Variants in STYXL2 observed in about 807,000 individuals in gnomAD.
STYXL2 encodes serine/threonine/tyrosine-interacting-like protein 2.
A neutral mutation model predicts 52.4 loss-of-function variants in STYXL2; 44 were observed. The ratio of observed to expected loss-of-function variants is 0.84; its 90% CI spans 0.66 to 1.08. STYXL2 has a LOEUF of 1.08. STYXL2 is among the 50% of genes least tolerant of loss of function. STYXL2 has a pLI of 0.00. For synonymous variants in STYXL2, 604 were observed against 586.9 expected (o/e 1.03, Z -0.42); for missense variants, 1,604 against 1,471.7 (o/e 1.09, Z -1.47).
intron 5 of STYXL2, among the ~76,000 whole-genome samples, chr1:167,124,876 C>T (rs960852674): frequency 6.6e-5 from 10 of 151,160 alleles, no homozygotes; most frequent in African/African-American, 2.4e-4. Context: ...TGGGGAAGGG[C>T]CCATTCTACT....
intron 2 of STYXL2, among the ~76,000 whole-genome samples, chr1:167,103,659 G>C (rs188753621): frequency 6.6e-6 from 1 of 152,234 alleles, no homozygotes; most frequent in Non-Finnish European, 1.5e-5. Context: ...GAAGAAAATG[G>C]GCGGTTAGAG....
chr1:167,120,546 G>A (rs1445558630), intron 5 of STYXL2, among the ~76,000 whole-genome samples: 1 of 152,080 alleles, frequency 6.6e-6, no homozygotes, highest in African/African-American at 2.4e-5. Context: ...TTCCTGGAAA[G>A]GGCATTGCCT....
intron 2 of STYXL2, among the ~76,000 whole-genome samples, chr1:167,096,051 A>G (rs1027088689): frequency 6.6e-6 from 1 of 152,102 alleles, no homozygotes; most frequent in African/African-American, 2.4e-5. Context: ...TGAGGTCAGG[A>G]GATCAAGCCC....
intron 2 of STYXL2, among the ~76,000 whole-genome samples, chr1:167,097,987 G>A (rs1268483046): frequency 6.7e-6 from 1 of 149,628 alleles, no homozygotes; most frequent in Non-Finnish European, 1.5e-5. Context: ...ATATAGTGAG[G>A]CCCTGTCTCT....
rs544353788 is a variant in STYXL2 at position 167,109,514 on chromosome 1, G to A, written c.111-4196G>A. 7.9e-5 allele frequency among the ~76,000 whole-genome samples: 12 copies of A among 152,130 alleles called. No homozygotes were observed. In the South Asian group the frequency reaches 8.3e-4, roughly 11 times the overall value. On this transcript the variant is annotated intron_variant, in intron 2 of 5. Coordinates refer to ENST00000361200, the MANE Select transcript of STYXL2 (RefSeq NM_001080426.3). ...CCTGAGAACCACACCCTCCATCCCCGACAGCAAGCCCCATCCGAGGAGAGT... is the reference window on the plus strand; with the variant it reads ...CCTGAGAACCACACCCTCCATCCCCAACAGCAAGCCCCATCCGAGGAGAGT...
intron 4 of STYXL2, 92 bp from the exon 5 acceptor site, chr1:167,119,157 C>T (rs1667794163): frequency 1.7e-6 from 2 of 1,200,494 alleles, no homozygotes; most frequent in East Asian, 2.5e-5. Flanking sequence ...CCAGCTGTGG[C>T]CCTAGACTGG....
At chr1:167,115,245 AG>A (rs1667701197) in intron 3 of STYXL2, among the ~76,000 whole-genome samples, 1 of 152,322 alleles carries the variant, frequency 6.6e-6, no homozygotes, top group East Asian at 1.9e-4. Context: ...CTATAGGGAG[AG>A]AAAAAACAAT....
At chr1:167,120,474 A>C (rs1365663444) in intron 5 of STYXL2, among the ~76,000 whole-genome samples, 3 of 152,176 alleles carry the variant, frequency 2.0e-5, no homozygotes, top group Admixed American at 2.0e-4. Flanking sequence ...CCTTGGGACA[A>C]CACCTGGCAC....
chr1:167,111,469 CATAT>C (rs776014246), intron 2 of STYXL2, among the ~76,000 whole-genome samples: 2,369 of 79,226 alleles, frequency 0.03, 25 homozygotes, highest in South Asian at 0.034. Flanking sequence ...AAATATGGTA[CATAT>C]ATATATATAT....
chr1:167,101,590 G>A lies in STYXL2; in HGVS notation c.110+6631G>A, dbSNP rs948199429. ...AGGCTGAAGCAAGTGGATCACCTGA[G>A]GTCAGGAGTTTGAGACCAGCCTGTC... On this transcript the variant is annotated intron_variant, in intron 2 of 5. Coordinates refer to ENST00000361200, the MANE Select transcript of STYXL2 (RefSeq NM_001080426.3). Among the ~76,000 whole-genome samples, 4 of 152,102 alleles carry A rather than the reference G, an allele frequency of 2.6e-5. No homozygotes were observed. The South Asian group carries it at 8.3e-4, about 32-fold the overall frequency.
intron 5 of STYXL2, 134 bp from the exon 6 acceptor site, chr1:167,125,652 GA>G (rs34184501): frequency 0.29 from 391,541 of 1,339,334 alleles, 60,432 homozygotes; most frequent in African/African-American, 0.36. Flanking sequence ...CTTGAGCCCG[GA>G]TGAACTTCAG....
intron 2 of STYXL2, among the ~76,000 whole-genome samples, chr1:167,101,774 C>T (rs770148888): frequency 2.1e-5 from 3 of 145,254 alleles, no homozygotes; most frequent in African/African-American, 5.2e-5. Context: ...GCACTTCAGC[C>T]TAGGCAACAG....
chr1:167,122,514 A>T (rs2102244600), intron 5 of STYXL2, among the ~76,000 whole-genome samples: 1 of 152,078 alleles, frequency 6.6e-6, no homozygotes, highest in Middle Eastern at 3.4e-3. Context: ...GTGGAGGGGG[A>T]TACCTTCTGA....
rs140256913 is a variant in STYXL2 at position 167,126,101 on chromosome 1, C to A, written c.970C>A (p.Leu324Met). The A allele has an allele frequency of 8.4e-4, 1,283 of 1,520,460 alleles. 2 individuals carry two copies. Among genetic ancestry groups the A allele is most frequent in the Non-Finnish European group, 1.0e-3 (1,176 of 1,136,554 alleles). The allele number at this position is 1,520,460 out of a possible 1,614,324, so 94.2% of individuals were successfully genotyped here. Residue 324 changes from leucine (L) to methionine (M), a missense_variant, in exon 6 of 6, where the codon CTG becomes ATG. Physicochemically the swap from Leu to Met is conservative, Grantham distance 15. Transcript: ENST00000361200. ...AGAGGAGGACGACAGCGCCAGCCAC[C>A]TGAGTGGCTCCTCCCTGGGGAAGGC... ...VEEEDDSASHLSGSSLGKATQ... is the reference protein window; with the variant it reads ...VEEEDDSASHMSGSSLGKATQ...
rs1160945793 is a variant in STYXL2 at position 167,126,618 on chromosome 1, AC to A, written c.1488del (p.His496GlnfsTer81). 1 of 1,614,062 alleles carries A rather than the reference AC, an allele frequency of 6.2e-7. No individual in the cohort carries two copies. The highest frequency in any genetic ancestry group is 8.5e-7 in the Non-Finnish European group (1 of 1,180,016). ...GAGAAGGAGGCTTCCCGGAGGTACC[AC>A]GCCAAGAGCAAGAGAGAGGAGGCGG... ...EIEKEASRRY[H>X]AKSKREEAAD... On this transcript the variant is annotated frameshift_variant, in exon 6 of 6. Transcript: ENST00000361200. LOFTEE classifies it low-confidence loss of function (END_TRUNC).
At chr1:167,103,139 G>C (rs1030325609) in intron 2 of STYXL2, among the ~76,000 whole-genome samples, 1 of 152,080 alleles carries the variant, frequency 6.6e-6, no homozygotes, top group Admixed American at 6.6e-5. Flanking sequence ...TCCTTCAAAA[G>C]GCCGTCTGCT....
chr1:167,100,614 C>A (rs1667384665), intron 2 of STYXL2, among the ~76,000 whole-genome samples: 1 of 152,142 alleles, frequency 6.6e-6, no homozygotes, highest in African/African-American at 2.4e-5. Context: ...CAGCCATTCT[C>A]CCTTCCTAGG....
At chr1:167,105,799 C>T (rs1667496291) in intron 2 of STYXL2, among the ~76,000 whole-genome samples, 1 of 152,214 alleles carries the variant, frequency 6.6e-6, no homozygotes. Context: ...CTACATTGTA[C>T]ATTCCACACT....
rs1667479809 is a variant in STYXL2 at position 167,104,923 on chromosome 1, G to A, written c.111-8787G>A. 3.3e-5 allele frequency among the ~76,000 whole-genome samples: 5 copies of A among 152,288 alleles called. No individual in the cohort carries two copies. In the South Asian group the frequency reaches 1.0e-3, roughly 32 times the overall value. On this transcript the variant is annotated intron_variant, in intron 2 of 5. Coordinates refer to ENST00000361200, the MANE Select transcript of STYXL2 (RefSeq NM_001080426.3). ...ACTACATTCCGTGTCTGGACAGCAG[G>A]CAACTAGTTTAAAGCAACGGCTTTC...
Sources: allele counts gnomAD v4.1 joint callset (sites outside exome capture counted in the v4.1 genomes callset), GRCh38; gene constraint gnomAD v4.1.1; transcripts MANE v1.5; gene names NCBI Gene and HGNC (gene_info 2026-07-23, HGNC 2026-07-21).